GLRA3: variants seen among roughly 807,000 people sequenced by gnomAD.
GLRA3 encodes the protein glycine receptor alpha 3.
Under a neutral mutation model 60.4 loss-of-function variants are expected in GLRA3, and 44 were observed. The observed-to-expected ratio is 0.73, with a 90% confidence interval of 0.57 to 0.94. The LOEUF (loss-of-function observed/expected upper bound fraction) is 0.94. Ranked by LOEUF, GLRA3 falls within the 40% of genes least tolerant of loss-of-function variation. The pLI is 0.00. For missense variants in GLRA3, 508 were observed against 564.6 expected (o/e 0.90, Z 1.02); for synonymous variants, 223 against 192.9 (o/e 1.16, Z -1.29).
chr4:174,722,228 C>A (rs1736159423), intron 4 of GLRA3, among the ~76,000 whole-genome samples: 1 of 152,050 alleles, frequency 6.6e-6, no homozygotes, highest in Non-Finnish European at 1.5e-5. Context: ...AACCCCTATG[C>A]CTAAAGCTTT....
At chr4:174,661,017 G>A (rs935118227) in intron 7 of GLRA3, among the ~76,000 whole-genome samples, 1 of 152,080 alleles carries the variant, frequency 6.6e-6, no homozygotes, top group Non-Finnish European at 1.5e-5. Flanking sequence ...TACTTTTCCT[G>A]TTCTTGTTTT....
At chr4:174,802,027 A>G (rs1013020147) in intron 1 of GLRA3, among the ~76,000 whole-genome samples, 9 of 151,114 alleles carry the variant, frequency 6.0e-5, no homozygotes, top group Non-Finnish European at 1.2e-4. Context: ...AAATATTTCA[A>G]AAATAAATAT....
chr4:174,828,643 T>C (rs1741076833), intron 1 of GLRA3, 98 bp downstream of exon 1: 2 of 756,910 alleles, frequency 2.6e-6, no homozygotes, highest in Non-Finnish European at 4.8e-6. Flanking sequence ...CAAGTCAATA[T>C]AGAATTGCAA....
chr4:174,674,003 T>C (rs953354118), intron 7 of GLRA3, among the ~76,000 whole-genome samples: 1 of 152,186 alleles, frequency 6.6e-6, no homozygotes, highest in African/African-American at 2.4e-5. Flanking sequence ...CATTTACTTC[T>C]TTCTAAAGCC....
chr4:174,721,042 T>TG lies in GLRA3; in HGVS notation c.492-5473_492-5472insC, dbSNP rs1491375283. 3.3e-3 allele frequency among the ~76,000 whole-genome samples: 492 copies of TG among 150,280 alleles called. 4 individuals are homozygous for TG. The highest frequency in any genetic ancestry group is 0.011 in the African/African-American group (459 of 40,676). ...GTGTGTGTGTGTGTGTGTGTGTGTG[T>TG]TTTTGAGATGGAGTCTTGCTCTGTC... On this transcript the variant is annotated intron_variant, in intron 4 of 9. Transcript: ENST00000274093.
chr4:174,807,524 T>C (rs2111358666), intron 1 of GLRA3, among the ~76,000 whole-genome samples: 1 of 152,198 alleles, frequency 6.6e-6, no homozygotes, highest in African/African-American at 2.4e-5. Flanking sequence ...AAACAGGTAT[T>C]GTCAAAGTTA....
chr4:174,696,143 C>A (rs1372251222), intron 5 of GLRA3, among the ~76,000 whole-genome samples: 1 of 151,536 alleles, frequency 6.6e-6, no homozygotes, highest in African/African-American at 2.4e-5. Context: ...TAGGAAGAAT[C>A]AATATCATTA....
chr4:174,727,918 T>G (rs929517191), intron 4 of GLRA3, among the ~76,000 whole-genome samples: 1 of 152,160 alleles, frequency 6.6e-6, no homozygotes, highest in Non-Finnish European at 1.5e-5. Flanking sequence ...ATACAGTGAT[T>G]TTTTTTCTTC....
At chr4:174,692,348 A>G (rs78847306) in intron 5 of GLRA3, among the ~76,000 whole-genome samples, 142,655 of 146,156 alleles carry the variant, frequency 0.98, 69,731 homozygotes, top group East Asian at 1. Context: ...GCCAGCCGCC[A>G]CGTCCGGGAG....
intron 4 of GLRA3, among the ~76,000 whole-genome samples, chr4:174,723,568 T>G (rs1001270546): frequency 6.6e-6 from 1 of 152,068 alleles, no homozygotes; most frequent in South Asian, 2.1e-4. Context: ...AATCTAGATA[T>G]TCTATCTTTG....
chr4:174,781,072 C>G (rs1395625760), intron 2 of GLRA3, among the ~76,000 whole-genome samples: 3 of 152,078 alleles, frequency 2.0e-5, no homozygotes, highest in Non-Finnish European at 4.4e-5. Context: ...AAGTAAAGCT[C>G]TCCTCAGCAA....
At chr4:174,680,280 G>A (rs1004588082) in intron 6 of GLRA3, among the ~76,000 whole-genome samples, 1 of 152,022 alleles carries the variant, frequency 6.6e-6, no homozygotes, top group Admixed American at 6.6e-5. Context: ...AAAAGAACAA[G>A]TTGGACAAAA....
At chr4:174,787,014 C>A in intron 2 of GLRA3, among the ~76,000 whole-genome samples, 1 of 151,966 alleles carries the variant, frequency 6.6e-6, no homozygotes, top group East Asian at 1.9e-4. Flanking sequence ...AACACCAAAT[C>A]CTTGGGGGTC....
rs551877082 is a variant in GLRA3 at position 174,661,823 on chromosome 4, A to G, written c.928-2626T>C. ...AAGGTAGAAAAGGGAAGGGAAGAAC[A>G]AGAAAAAGAATGGAAAAAACAGACA... On this transcript the variant is annotated intron_variant, in intron 7 of 9. Coordinates refer to ENST00000274093, the MANE Select transcript of GLRA3 (RefSeq NM_006529.4). Among the ~76,000 whole-genome samples, 320 of 152,346 alleles carry G rather than the reference A, an allele frequency of 2.1e-3. 1 individual carries two copies. Among genetic ancestry groups the G allele is most frequent in the Middle Eastern group, 0.01 (3 of 294 alleles).
At chr4:174,747,929 A>ATAACATTATAGC (rs1299219431) in intron 3 of GLRA3, among the ~76,000 whole-genome samples, 2 of 152,110 alleles carry the variant, frequency 1.3e-5, no homozygotes, top group Non-Finnish European at 2.9e-5. Context: ...TGCTGTTCCA[A>ATAACATTATAGC]ATACTATGTT....
intron 2 of GLRA3, among the ~76,000 whole-genome samples, chr4:174,784,850 T>C (rs1739056750): frequency 6.6e-6 from 1 of 152,132 alleles, no homozygotes; most frequent in Non-Finnish European, 1.5e-5. Context: ...TATGTCAAAT[T>C]ATCCTAAAGG....
At chr4:174,777,703 T>C (rs906683862) in intron 2 of GLRA3, among the ~76,000 whole-genome samples, 9 of 152,234 alleles carry the variant, frequency 5.9e-5, no homozygotes, top group African/African-American at 2.2e-4. Flanking sequence ...ATGTAAATTA[T>C]GGATTTCAGT....
chr4:174,690,206 G>A (rs1269340740), intron 5 of GLRA3, among the ~76,000 whole-genome samples: 1 of 152,088 alleles, frequency 6.6e-6, no homozygotes, highest in East Asian at 1.9e-4. Flanking sequence ...TTTGTTTTCT[G>A]TTAGAAGGGC....
At chr4:174,729,177 C>T (rs1252388700) in intron 3 of GLRA3, among the ~76,000 whole-genome samples, 3 of 152,122 alleles carry the variant, frequency 2.0e-5, no homozygotes, top group Non-Finnish European at 4.4e-5. Flanking sequence ...TACTTTCTTG[C>T]TTTGTCAGAA....
Sources: gnomAD v4.1 joint callset for allele counts (sites outside exome capture counted in the v4.1 genomes callset) on GRCh38, gnomAD v4.1.1 for gene constraint, MANE v1.5 for transcripts, NCBI Gene and HGNC (gene_info 2026-07-23, HGNC 2026-07-21) for gene names.